The following NMNAT3 variants were observed in gnomAD, a reference collection of about 807,000 sequenced individuals.
The protein encoded by NMNAT3 is nicotinamide/nicotinic acid mononucleotide adenylyltransferase 3.
NMNAT3 carries 21 observed loss-of-function variants against 24.8 expected under a neutral mutation model. The ratio of observed to expected loss-of-function variants is 0.85; its 90% CI spans 0.60 to 1.22. The LOEUF (loss-of-function observed/expected upper bound fraction) is 1.22, where lower values mean the gene tolerates loss of function less well. Ranked by LOEUF, NMNAT3 falls within the 50% of genes most tolerant of loss-of-function variation. The pLI, the probability that NMNAT3 is intolerant of heterozygous loss-of-function variation, is 0.00. For synonymous variants in NMNAT3, 136 were observed against 155.2 expected (o/e 0.88, Z 0.92); for missense variants, 387 against 436.6 (o/e 0.89, Z 1.01).
chr3:139,579,871 G>C (rs1180924607), intron 4 of NMNAT3, among the ~76,000 whole-genome samples: 4 of 152,164 alleles, frequency 2.6e-5, no homozygotes, highest in Non-Finnish European at 5.9e-5. Context: ...TGCAACTCTT[G>C]ATTGTGTGAT....
chr3:139,622,106 G>A (rs1021933677), intron 3 of NMNAT3, among the ~76,000 whole-genome samples: 3 of 152,070 alleles, frequency 2.0e-5, no homozygotes, highest in African/African-American at 4.8e-5. Flanking sequence ...CCTTGTAGTG[G>A]GATTGCTGAA....
At chr3:139,671,817 C>T (rs1179545808) in intron 1 of NMNAT3, among the ~76,000 whole-genome samples, 2 of 152,324 alleles carry the variant, frequency 1.3e-5, no homozygotes, top group East Asian at 1.9e-4. Flanking sequence ...CTCCTACACA[C>T]TAATTCATGT....
intron 3 of NMNAT3, among the ~76,000 whole-genome samples, chr3:139,602,473 T>C (rs1320616058): frequency 6.6e-6 from 1 of 152,216 alleles, no homozygotes; most frequent in Non-Finnish European, 1.5e-5. Context: ...GTCAGTTCCT[T>C]CTGGTATTTT....
chr3:139,582,897 A>C (rs2053727481), intron 4 of NMNAT3: 1 of 1,322,524 alleles, frequency 7.6e-7, no homozygotes, highest in Non-Finnish European at 1.0e-6. Flanking sequence ...AGGGAGGAGC[A>C]GTCCAAAAAA....
intron 1 of NMNAT3, among the ~76,000 whole-genome samples, chr3:139,670,029 G>A (rs1191652112): frequency 6.6e-6 from 1 of 152,088 alleles, no homozygotes; most frequent in East Asian, 1.9e-4. Flanking sequence ...GAAGAAATAT[G>A]GTAATGTTTT....
chr3:139,667,218 C>T (rs1576791659), intron 1 of NMNAT3, among the ~76,000 whole-genome samples: 1 of 152,196 alleles, frequency 6.6e-6, no homozygotes, highest in East Asian at 1.9e-4. Flanking sequence ...TAATACATTC[C>T]CATCAATGAT....
chr3:139,676,917 C>A (rs1032872215), intron 1 of NMNAT3, among the ~76,000 whole-genome samples: 12 of 152,176 alleles, frequency 7.9e-5, no homozygotes, highest in African/African-American at 2.9e-4. Context: ...CATCCAGCAC[C>A]CATCACGCAG....
chr3:139,649,408 A>G (rs975849351), intron 1 of NMNAT3, among the ~76,000 whole-genome samples: 5 of 152,148 alleles, frequency 3.3e-5, no homozygotes, highest in East Asian at 1.9e-4. Context: ...TTAAAAAAAG[A>G]AAAAAAAGAC....
At chr3:139,671,307 T>C (rs978036782) in intron 1 of NMNAT3, among the ~76,000 whole-genome samples, 14 of 152,202 alleles carry the variant, frequency 9.2e-5, no homozygotes, top group Non-Finnish European at 4.4e-5. Flanking sequence ...CTAATCTTCA[T>C]ATTTCTAAGT....
At chr3:139,567,575 G>T (rs1320138681) in intron 6 of NMNAT3, 1 of 152,198 alleles carries the variant, frequency 6.6e-6, no homozygotes, top group Non-Finnish European at 1.5e-5. Flanking sequence ...ATGAAGTGTT[G>T]TTGAATTTTG....
At chr3:139,655,221 A>G (rs2057199269) in intron 1 of NMNAT3, among the ~76,000 whole-genome samples, 1 of 152,216 alleles carries the variant, frequency 6.6e-6, no homozygotes, top group African/African-American at 2.4e-5. Flanking sequence ...CAGCCTGCCA[A>G]GGGCCTTATG....
intron 3 of NMNAT3, among the ~76,000 whole-genome samples, chr3:139,613,016 A>G (rs911115849): frequency 4.6e-5 from 7 of 152,244 alleles, no homozygotes; most frequent in South Asian, 2.1e-4. Flanking sequence ...TGTTAGATCT[A>G]AAACCATAAA....
chr3:139,657,533 G>T (rs1203700346), intron 1 of NMNAT3, among the ~76,000 whole-genome samples: 2 of 151,966 alleles, frequency 1.3e-5, no homozygotes, highest in Non-Finnish European at 2.9e-5. Context: ...GGCTGTTGCT[G>T]GTATGTGTTG....
chr3:139,615,195 G>A (rs1277448744), intron 3 of NMNAT3, among the ~76,000 whole-genome samples: 1 of 151,848 alleles, frequency 6.6e-6, no homozygotes, highest in Admixed American at 6.6e-5. Flanking sequence ...CTTACTTTTT[G>A]GTACCACAAA....
intron 2 of NMNAT3, among the ~76,000 whole-genome samples, chr3:139,632,856 G>A (rs6765448): frequency 0.024 from 3,668 of 152,232 alleles, 139 homozygotes; most frequent in African/African-American, 0.082. Context: ...TATATTACAT[G>A]GCAAAAGGGA....
chr3:139,567,619 T>C (rs1397502203), intron 6 of NMNAT3: 1 of 151,844 alleles, frequency 6.6e-6, no homozygotes, highest in Non-Finnish European at 1.5e-5. Flanking sequence ...TGAGATTTGG[T>C]TCTGTTTATA....
chr3:139,663,685 C>T (rs530250106), intron 1 of NMNAT3, among the ~76,000 whole-genome samples: 2 of 152,284 alleles, frequency 1.3e-5, no homozygotes, highest in African/African-American at 4.8e-5. Flanking sequence ...TAGTTCATGA[C>T]CCTCTGAGCA....
intron 3 of NMNAT3, among the ~76,000 whole-genome samples, chr3:139,608,227 G>A (rs2055032696): frequency 6.6e-6 from 1 of 152,228 alleles, no homozygotes; most frequent in Admixed American, 6.5e-5. Flanking sequence ...GGCTGGTATA[G>A]CAGCAGCGAC....
At chr3:139,648,923 T>A (rs1008056887) in intron 1 of NMNAT3, among the ~76,000 whole-genome samples, 1 of 127,664 alleles carries the variant, frequency 7.8e-6, no homozygotes, top group African/African-American at 3.4e-5. Context: ...TGTGTTATAA[T>A]ATACAGAAAC....
Sources: gnomAD v4.1 joint callset for allele counts (sites outside exome capture counted in the v4.1 genomes callset) on GRCh38, gnomAD v4.1.1 for gene constraint, MANE v1.5 for transcripts, NCBI Gene and HGNC (gene_info 2026-07-23, HGNC 2026-07-21) for gene names.